The following NECTIN1 variants were observed in gnomAD, a reference collection of about 807,000 sequenced individuals.
NECTIN1 encodes the protein nectin-1.
NECTIN1 carries 23 observed loss-of-function variants against 48.0 expected under a neutral mutation model. The ratio of observed to expected loss-of-function variants is 0.48; its 90% CI spans 0.34 to 0.68. The LOEUF (loss-of-function observed/expected upper bound fraction) is 0.68. Ranked by LOEUF, NECTIN1 falls within the 30% of genes least tolerant of loss-of-function variation. The pLI, the probability that NECTIN1 is intolerant of heterozygous loss-of-function variation, is 0.01. For synonymous variants in NECTIN1, 270 were observed against 288.9 expected, an observed-to-expected ratio of 0.93 and a Z score of 0.66; for missense variants, 591 against 709.9, an observed-to-expected ratio of 0.83 and a Z score of 1.90.
At chr11:119,648,382 G>GTGATGGTGGTGA (rs1565376785) in intron 5 of NECTIN1, among the ~76,000 whole-genome samples, 1 of 2,526 alleles carries the variant, frequency 4.0e-4, no homozygotes, top group African/African-American at 1.1e-3. Flanking sequence ...GGTGATGGTG[G>GTGATGGTGGTGA]TGGTGGTGGT....
intron 1 of NECTIN1, among the ~76,000 whole-genome samples, chr11:119,685,357 C>T (rs1272739320): frequency 6.6e-6 from 1 of 152,222 alleles, no homozygotes; most frequent in Non-Finnish European, 1.5e-5. Context: ...CGGGTGAGCA[C>T]AGTGCGTGGG....
Position 119,665,341 on chromosome 11 carries a change from T to C in NECTIN1, c.1004-44A>G. The C allele has an allele frequency of 6.9e-7, 1 of 1,449,554 alleles. No individual in the cohort carries two copies. Among genetic ancestry groups the C allele is most frequent in the Non-Finnish European group, 9.2e-7 (1 of 1,086,404 alleles). 89.8% of individuals were successfully genotyped at this position (1,449,554 alleles called of 1,614,324 possible). ...TGGAGGGGACAGCATCAGCGTGTGC[T>C]CCTGGGGTGTAGAGGGGGTGGGAGG... On this transcript the variant is annotated intron_variant, in intron 5 of 5. Transcript: ENST00000264025. The surrounding 1 kb of genome is among the most constrained non-coding windows in gnomAD (Gnocchi z 5.1).
chr11:119,643,295 T>C (rs917585759), intron 5 of NECTIN1, among the ~76,000 whole-genome samples: 2 of 152,204 alleles, frequency 1.3e-5, no homozygotes, highest in Non-Finnish European at 2.9e-5. Context: ...CTCAAGTCTC[T>C]GGCATGCAAG....
chr11:119,668,568 A>G (rs1309826701), intron 5 of NECTIN1, among the ~76,000 whole-genome samples: 2 of 151,866 alleles, frequency 1.3e-5, no homozygotes, highest in Non-Finnish European at 2.9e-5. Context: ...GCCTTTCCTC[A>G]TCCTCCCTCC....
chr11:119,664,692 C>CGGGGGGGG lies in NECTIN1; in HGVS notation c.*54_*55insCCCCCCCC. The CGGGGGGGG allele has an allele frequency of 5.9e-6, 4 of 682,052 alleles. No individual in the cohort carries two copies. Among genetic ancestry groups the CGGGGGGGG allele is most frequent in the Middle Eastern group, 3.8e-4 (1 of 2,610 alleles). The allele number at this position is 682,052 out of a possible 1,614,324, so 42.3% of individuals were successfully genotyped here. On this transcript the variant is annotated 3_prime_UTR_variant, in exon 6 of 6. Coordinates refer to ENST00000264025, the MANE Select transcript of NECTIN1 (RefSeq NM_002855.5). ...TGGGAGGTGGGGGGTGGGCAGGGGG[C>CGGGGGGGG]GTGCGGGGAGGGGCTGGGGAGGAGC...
In NECTIN1 at chr11:119,665,313, A is replaced by C; in HGVS notation, c.1004-16T>G. ...TAGGGGAATTCTGGGTGAGGAAAAG[A>C]GATGGAGGGGACAGCATCAGCGTGT... On this transcript the variant is annotated splice_polypyrimidine_tract_variant and intron_variant, in intron 5 of 5. Transcript: ENST00000264025. This position sits in a 1 kb window ranked among gnomAD's most constrained non-coding sequence, Gnocchi z 5.1. 3 of 1,558,952 alleles carry C rather than the reference A, an allele frequency of 1.9e-6. No homozygotes were observed. The highest frequency in any genetic ancestry group is 2.6e-6 in the Non-Finnish European group (3 of 1,156,632).
chr11:119,678,482 G>A lies in NECTIN1; in HGVS notation c.363C>T (p.Val121=). The change falls in exon 2 of 6, where the codon GTC becomes GTT. Residue 121 remains valine (V), a synonymous_variant. Coordinates refer to ENST00000264025, the MANE Select transcript of NECTIN1 (RefSeq NM_002855.5). The surrounding 1 kb of genome is among the most constrained non-coding windows in gnomAD (Gnocchi z 4.4). The stretch of plus-strand genomic sequence containing the variant: ...GGAAGGTAGCAAACTCGCAGATGTA[G>A]ACACCCTCATCCTCCAGCTCCAGGC... The part of the protein sequence containing the change: ...LSRLELEDEG[V]YICEFATFPT... The A allele has an allele frequency of 6.2e-7, 1 of 1,614,228 alleles. No individual in the cohort carries two copies. The highest frequency in any genetic ancestry group is 1.3e-5 in the African/African-American group (1 of 75,052).
At chr11:119,720,531 C>T (rs551250420) in intron 1 of NECTIN1, among the ~76,000 whole-genome samples, 12 of 152,384 alleles carry the variant, frequency 7.9e-5, no homozygotes, top group South Asian at 2.1e-4. Flanking sequence ...GGGAGCACCC[C>T]GCGTGAGCCT....
intron 1 of NECTIN1, among the ~76,000 whole-genome samples, chr11:119,718,170 C>T (rs1435845971): frequency 1.3e-5 from 2 of 152,166 alleles, no homozygotes; most frequent in Non-Finnish European, 2.9e-5. Context: ...CCCTGGGTGA[C>T]CCTCGAGAGG....
Position 119,711,074 on chromosome 11 carries a change from A to AC in NECTIN1, c.79+17400_79+17401insG, listed in dbSNP as rs201296871. ...AATAGGGTTGCCAAAAAAAAAAAAA[A>AC]ACCAAAAACAGAAAGAAAGGGGCAC... On this transcript the variant is annotated intron_variant, in intron 1 of 5. Transcript: ENST00000264025. Among the ~76,000 whole-genome samples, 1,273 of 136,802 alleles carry AC rather than the reference A, an allele frequency of 9.3e-3. 25 individuals are homozygous for AC. The highest frequency in any genetic ancestry group is 0.034 in the African/African-American group (1,218 of 36,104). The allele number at this position is 136,802 out of a possible 152,430, so 89.7% of individuals were successfully genotyped here.
chr11:119,701,393 T>C (rs3935405), intron 1 of NECTIN1, among the ~76,000 whole-genome samples: 93,114 of 151,934 alleles, frequency 0.61, 28,873 homozygotes, highest in South Asian at 0.67. Context: ...CTCTGTTTCA[T>C]TGAAGTGACA....
intron 1 of NECTIN1, among the ~76,000 whole-genome samples, chr11:119,711,618 G>A (rs1307862128): frequency 6.6e-6 from 1 of 152,124 alleles, no homozygotes; most frequent in African/African-American, 2.4e-5. Flanking sequence ...GGGAAGGGGG[G>A]CTGGTGTCTG....
Position 119,664,571 on chromosome 11 carries a change from C to CA in NECTIN1, c.*175dup. ...CGGAGGAGAGGGAGGAAATAAAACA[C>CA]AAAGCCAAGTCGTGGCTGCCCTGGG... On this transcript the variant is annotated 3_prime_UTR_variant, in exon 6 of 6. Transcript: ENST00000264025. The CA allele has an allele frequency of 1.4e-6, 2 of 1,434,492 alleles. No homozygotes were observed. Among genetic ancestry groups the CA allele is most frequent in the Non-Finnish European group, 1.8e-6 (2 of 1,096,498 alleles). The allele number at this position is 1,434,492 out of a possible 1,614,324, so 88.9% of individuals were successfully genotyped here.
In NECTIN1 at chr11:119,663,245, G is replaced by A; in HGVS notation, c.*1502C>T. The A allele has an allele frequency of 1.0e-6, 1 of 985,570 alleles. No homozygotes were observed. The highest frequency in any genetic ancestry group is 1.2e-6 in the Non-Finnish European group (1 of 830,000). 61.1% of individuals were successfully genotyped at this position (985,570 alleles called of 1,614,324 possible). On this transcript the variant is annotated 3_prime_UTR_variant, in exon 6 of 6. Transcript: ENST00000264025. ...CTTCCCATGGGCATGCCTGTCTAGA[G>A]TGCCAGGGGATCTGGGAGCAGATGG...
intron 1 of NECTIN1, among the ~76,000 whole-genome samples, chr11:119,719,878 G>T (rs191100552): frequency 6.6e-6 from 1 of 152,188 alleles, no homozygotes; most frequent in Non-Finnish European, 1.5e-5. Context: ...CTTAGCTTGC[G>T]GGGGGAGCGG....
intron 5 of NECTIN1, among the ~76,000 whole-genome samples, chr11:119,666,836 C>A (rs991390207): frequency 1.2e-4 from 19 of 152,182 alleles, no homozygotes; most frequent in African/African-American, 4.1e-4. Context: ...CAGGCTGCAG[C>A]AGGGTGGAGA....
At chr11:119,675,421 G>T in intron 4 of NECTIN1, 111 bp from the exon 5 acceptor site, 2 of 1,040,506 alleles carry the variant, frequency 1.9e-6, no homozygotes, top group Non-Finnish European at 1.5e-6. Context: ...GAGCTTGTGT[G>T]GTAGAGTCTG....
At chr11:119,679,625 A>T (rs914763766) in intron 1 of NECTIN1, among the ~76,000 whole-genome samples, 1 of 151,828 alleles carries the variant, frequency 6.6e-6, no homozygotes, top group Non-Finnish European at 1.5e-5. Context: ...TCCTCAGAAC[A>T]TGCCACATTC....
chr11:119,693,810 GGC>G (rs1188904751), intron 1 of NECTIN1, among the ~76,000 whole-genome samples: 1 of 152,178 alleles, frequency 6.6e-6, no homozygotes, highest in Non-Finnish European at 1.5e-5. Flanking sequence ...CTTTAGTAGG[GGC>G]CCTCCATGTT....
Sources: gnomAD v4.1 joint callset for allele counts (sites outside exome capture counted in the v4.1 genomes callset) on GRCh38, gnomAD v4.1.1 for gene constraint, Gnocchi (gnomAD v3.1) non-coding constraint, MANE v1.5 for transcripts, NCBI Gene and HGNC (gene_info 2026-07-23, HGNC 2026-07-21) for gene names.